Variants in SSBP2 observed in about 807,000 individuals in gnomAD.
The protein encoded by SSBP2 is single stranded DNA binding protein 2, also known as single-stranded DNA-binding protein 2.
Under a neutral mutation model 61.8 loss-of-function variants are expected in SSBP2, and 17 were observed. The observed-to-expected ratio is 0.28, with a 90% CI of 0.19 to 0.41. The LOEUF is 0.41. Among genes scored for constraint, SSBP2 ranks in the 10% least tolerant of loss-of-function variants. The pLI, the probability that SSBP2 is intolerant of heterozygous loss-of-function variation, is 1.00. For synonymous variants in SSBP2, 139 were observed against 141.3 expected, an observed-to-expected ratio of 0.98 and a Z score of 0.12; for missense variants, 310 against 458.7, an observed-to-expected ratio of 0.68 and a Z score of 2.96.
chr5:81,434,616 G>A (rs1438008847), intron 15 of SSBP2, among the ~76,000 whole-genome samples: 2 of 101,202 alleles, frequency 2.0e-5, no homozygotes, highest in Non-Finnish European at 3.6e-5. Context: ...TGGGCAACAA[G>A]AGCGAAACTC....
chr5:81,663,845 G>A (rs1186282835), intron 1 of SSBP2, among the ~76,000 whole-genome samples: 2 of 152,142 alleles, frequency 1.3e-5, no homozygotes, highest in African/African-American at 2.4e-5. Context: ...CTTTAGCAAT[G>A]GGACAAATGA....
intron 4 of SSBP2, among the ~76,000 whole-genome samples, chr5:81,515,835 A>C (rs1768978664): frequency 6.6e-6 from 1 of 151,862 alleles, no homozygotes; most frequent in Non-Finnish European, 1.5e-5. Context: ...CATTTGATGA[A>C]GATTTAAGCA....
intron 1 of SSBP2, among the ~76,000 whole-genome samples, chr5:81,660,487 T>G (rs931121193): frequency 7.9e-5 from 12 of 152,096 alleles, no homozygotes; most frequent in Non-Finnish European, 1.8e-4. Context: ...AAATGGCAAT[T>G]ATTAAAACAT....
At chr5:81,635,213 T>C (rs994435233) in intron 3 of SSBP2, among the ~76,000 whole-genome samples, 3 of 151,616 alleles carry the variant, frequency 2.0e-5, no homozygotes, top group Admixed American at 2.0e-4. Flanking sequence ...CATAACTTCT[T>C]CGAGGCAAAA....
intron 2 of SSBP2, among the ~76,000 whole-genome samples, chr5:81,649,069 G>C (rs1749514790): frequency 6.6e-6 from 1 of 152,016 alleles, no homozygotes; most frequent in Admixed American, 6.6e-5. Flanking sequence ...CACAGATATA[G>C]AGGAAAAACC....
At chr5:81,640,213 G>T (rs1360036350) in intron 2 of SSBP2, among the ~76,000 whole-genome samples, 1 of 152,048 alleles carries the variant, frequency 6.6e-6, no homozygotes, top group African/African-American at 2.4e-5. Flanking sequence ...GGTGGTGTGC[G>T]CCTGTAGTCC....
rs1673238633 is a variant in SSBP2 at position 81,419,268 on chromosome 5, A to G, written c.*1236T>C. The G allele has an allele frequency of 6.6e-6, 1 of 152,220 alleles. No individual in the cohort carries two copies. Among genetic ancestry groups the G allele is most frequent in the South Asian group, 2.1e-4 (1 of 4,838 alleles). 9.4% of individuals were successfully genotyped at this position (152,220 alleles called of 1,614,324 possible). ...CTATCAATGATTTGCTCCTGAATAA[A>G]AGCCTTATATTCCAGGAACAGAGCA... On this transcript the variant is annotated 3_prime_UTR_variant, in exon 17 of 17. Coordinates refer to ENST00000320672, the MANE Select transcript of SSBP2 (RefSeq NM_012446.5).
In SSBP2 at chr5:81,543,259, A is replaced by C. The variant is rs538640514; in HGVS notation, c.283-29542T>G. On this transcript the variant is annotated intron_variant, in intron 4 of 16. Coordinates refer to ENST00000320672, the MANE Select transcript of SSBP2 (RefSeq NM_012446.5). ...TCCTCCCCAGCCATGCGGAACTGTA[A>C]GTCAATTAAAACTCCTTTGTTTATA... 2.0e-5 allele frequency among the ~76,000 whole-genome samples: 3 copies of C among 152,288 alleles called. No homozygotes were observed. In the South Asian group the frequency reaches 6.2e-4, roughly 32 times the overall value.
chr5:81,695,542 C>A (rs1425397583), intron 1 of SSBP2, among the ~76,000 whole-genome samples: 2 of 140,642 alleles, frequency 1.4e-5, no homozygotes, highest in Admixed American at 1.5e-4. Context: ...ATGTTCCCTG[C>A]CCTGTGTCCA....
At chr5:81,446,088 T>G (rs1207496815) in intron 12 of SSBP2, among the ~76,000 whole-genome samples, 1 of 152,180 alleles carries the variant, frequency 6.6e-6, no homozygotes, top group Non-Finnish European at 1.5e-5. Flanking sequence ...GTATAACAAA[T>G]GAGCATCCTT....
At chr5:81,594,786 G>C (rs1743530971) in intron 4 of SSBP2, among the ~76,000 whole-genome samples, 1 of 152,154 alleles carries the variant, frequency 6.6e-6, no homozygotes, top group African/African-American at 2.4e-5. Flanking sequence ...GATGTTCTTT[G>C]AAACCAATGA....
At chr5:81,635,557 G>C (rs193212440) in intron 3 of SSBP2, among the ~76,000 whole-genome samples, 2 of 150,842 alleles carry the variant, frequency 1.3e-5, no homozygotes, top group Admixed American at 6.6e-5. Flanking sequence ...TTGACAACTT[G>C]ATAACCCACT....
At chr5:81,492,574 T>G (rs1264053419) in intron 5 of SSBP2, among the ~76,000 whole-genome samples, 2 of 151,432 alleles carry the variant, frequency 1.3e-5, no homozygotes, top group Non-Finnish European at 2.9e-5. Context: ...CTCTTTATGT[T>G]TGGGGCAACA....
chr5:81,696,915 ACCT>A (rs1753643443), intron 1 of SSBP2, among the ~76,000 whole-genome samples: 1 of 152,140 alleles, frequency 6.6e-6, no homozygotes, highest in Non-Finnish European at 1.5e-5. Context: ...CTTGACAAAT[ACCT>A]GTGGAAATAA....
chr5:81,629,832 C>T (rs1747531997), intron 3 of SSBP2, among the ~76,000 whole-genome samples: 1 of 152,136 alleles, frequency 6.6e-6, no homozygotes, highest in Non-Finnish European at 1.5e-5. Flanking sequence ...TCACATAGTA[C>T]CTTTTGTGTG....
chr5:81,630,921 G>A (rs773040049), intron 3 of SSBP2, among the ~76,000 whole-genome samples: 67 of 152,036 alleles, frequency 4.4e-4, no homozygotes, highest in Admixed American at 3.8e-3. Context: ...TCTTAAAATC[G>A]TCACTTTGTT....
rs555846175 is a variant in SSBP2, at chr5:81,422,988, T to A, written c.1057-2455A>T. 4.6e-5 allele frequency among the ~76,000 whole-genome samples: 7 copies of A among 152,338 alleles called. No individual in the cohort carries two copies. In the South Asian group the frequency reaches 1.4e-3, roughly 32 times the overall value. ...CAGCATGCTTCAACTATCCAGAGCC[T>A]GCGGCTAAACAGAACTATACTTTGG... On this transcript the variant is annotated intron_variant, in intron 16 of 16. Transcript: ENST00000320672.
chr5:81,453,112 T>C (rs932063004), intron 10 of SSBP2, among the ~76,000 whole-genome samples: 4 of 151,574 alleles, frequency 2.6e-5, no homozygotes, highest in African/African-American at 7.3e-5. Flanking sequence ...CTGGGCAATA[T>C]GGCAAAACCT....
At chr5:81,649,413 A>G (rs545245529) in intron 2 of SSBP2, among the ~76,000 whole-genome samples, 2 of 152,224 alleles carry the variant, frequency 1.3e-5, no homozygotes, top group Admixed American at 6.6e-5. Flanking sequence ...AAGATGGGGT[A>G]CATATACACC....
Sources: gnomAD v4.1 joint callset for allele counts (sites outside exome capture counted in the v4.1 genomes callset) on GRCh38, gnomAD v4.1.1 for gene constraint, MANE v1.5 for transcripts, NCBI Gene and HGNC (gene_info 2026-07-23, HGNC 2026-07-21) for gene names.